The following PCDH9 variants were observed in gnomAD, a reference collection of about 807,000 sequenced individuals.
PCDH9 encodes protocadherin 9.
In PCDH9, 24 loss-of-function variants were observed where a neutral mutation model predicts 70.6. The ratio of observed to expected loss-of-function variants is 0.34; its 90% confidence interval spans 0.25 to 0.48. The LOEUF is 0.48. Among genes scored for constraint, PCDH9 ranks in the 20% least tolerant of loss-of-function variants. The pLI is 0.99. For missense variants in PCDH9, 1,281 were observed against 1,503.6 expected (o/e 0.85, Z 2.45); for synonymous variants, 562 against 558.5 (o/e 1.01, Z -0.09).
Position 67,226,304 on chromosome 13 carries a change from G to T in PCDH9, c.2137C>A (p.Leu713Ile). The T allele has an allele frequency of 6.2e-7, 1 of 1,614,084 alleles. No individual in the cohort carries two copies. The highest frequency in any genetic ancestry group is 8.5e-7 in the Non-Finnish European group (1 of 1,179,984). The change falls in exon 2 of 5, where the codon CTA becomes ATA. Residue 713 changes from leucine (L) to isoleucine (I), a missense_variant. Leu to Ile is a conservative substitution (Grantham distance 5, BLOSUM62 2). Transcript: ENST00000377865. The surrounding 1 kb of genome is among the most constrained non-coding windows in gnomAD (Gnocchi z 5.0). ...TTTCCACTCACTATAGTATACTTTA[G>T]TTCAGCGTTCATTCCAGTGTCAACA... ...VDVDTGMNAE[L>I]KYTIVSGNNK... is the part of the protein sequence containing the mutation.
chr13:66,448,278 C>T (rs898881125), intron 4 of PCDH9, among the ~76,000 whole-genome samples: 9 of 152,272 alleles, frequency 5.9e-5, no homozygotes, highest in South Asian at 2.1e-4. Context: ...CCACAGTACC[C>T]GACATACATC....
At chr13:66,665,945 C>T (rs563593811) in intron 3 of PCDH9, among the ~76,000 whole-genome samples, 1 of 152,178 alleles carries the variant, frequency 6.6e-6, no homozygotes, top group South Asian at 2.1e-4. Flanking sequence ...ATTCAAATAG[C>T]CTCAAATAAT....
intron 4 of PCDH9, among the ~76,000 whole-genome samples, chr13:66,437,404 CAAAAAAAAAAAA>C (rs66796123): frequency 2.2e-5 from 1 of 45,600 alleles, no homozygotes; most frequent in Admixed American, 4.5e-4. Context: ...GACTCTGTCT[CAAAAAAAAAAAA>C]AAAAAAAAAA....
chr13:67,002,819 T>C (rs770335127), intron 2 of PCDH9, among the ~76,000 whole-genome samples: 2 of 152,136 alleles, frequency 1.3e-5, no homozygotes, highest in Non-Finnish European at 2.9e-5. Context: ...TAAATTGTGT[T>C]CAAAATGGGA....
At chr13:66,501,753 C>CAAGAA (rs1959178150) in intron 4 of PCDH9, among the ~76,000 whole-genome samples, 1 of 151,628 alleles carries the variant, frequency 6.6e-6, no homozygotes, top group Non-Finnish European at 1.5e-5. Flanking sequence ...TCAAACTGAC[C>CAAGAA]AAAAAGAAAA....
intron 4 of PCDH9, among the ~76,000 whole-genome samples, chr13:66,348,275 T>G (rs970220064): frequency 2.6e-5 from 4 of 152,142 alleles, no homozygotes; most frequent in Non-Finnish European, 4.4e-5. Flanking sequence ...CCTGCCACCA[T>G]GCAGACACAC....
At chr13:66,874,015 A>G (rs547235964) in intron 3 of PCDH9, among the ~76,000 whole-genome samples, 51 of 143,924 alleles carry the variant, frequency 3.5e-4, no homozygotes, top group Non-Finnish European at 6.9e-4. Context: ...GGCATGGCTC[A>G]CTGAAGTCTG....
chr13:67,102,990 A>T (rs1006859187), intron 2 of PCDH9, among the ~76,000 whole-genome samples: 3 of 152,108 alleles, frequency 2.0e-5, no homozygotes, highest in East Asian at 1.9e-4. Context: ...ATACAGAAAA[A>T]ATAGGTAAAT....
At chr13:67,100,908 T>A (rs561004015) in intron 2 of PCDH9, among the ~76,000 whole-genome samples, 31 of 152,162 alleles carry the variant, frequency 2.0e-4, no homozygotes, top group African/African-American at 7.5e-4. Flanking sequence ...GGGAAAGATA[T>A]GCAATCACTC....
intron 2 of PCDH9, among the ~76,000 whole-genome samples, chr13:67,034,516 C>T (rs61959247): frequency 0.095 from 14,484 of 152,010 alleles, 765 homozygotes; most frequent in Non-Finnish European, 0.12. Context: ...TAAATAAAAA[C>T]ACAAACCAAT....
chr13:66,978,778 T>C (rs944838953), intron 2 of PCDH9, among the ~76,000 whole-genome samples: 1 of 147,806 alleles, frequency 6.8e-6, no homozygotes, highest in African/African-American at 2.5e-5. Flanking sequence ...ATTTTTGGCC[T>C]TAACTTCATA....
chr13:66,627,632 G>A (rs1487139470), intron 4 of PCDH9, among the ~76,000 whole-genome samples: 2 of 151,954 alleles, frequency 1.3e-5, no homozygotes, highest in East Asian at 2.0e-4. Flanking sequence ...TCCCAATGAT[G>A]AACAAGGCAC....
Position 66,818,791 on chromosome 13 carries a change from G to A in PCDH9, c.3138+84713C>T, listed in dbSNP as rs541278120. Among the ~76,000 whole-genome samples, 15 of 152,058 alleles carry A rather than the reference G, an allele frequency of 9.9e-5. No homozygotes were observed. The South Asian group carries it at 1.0e-3, about 11-fold the overall frequency. On this transcript the variant is annotated intron_variant, in intron 3 of 4. Coordinates refer to ENST00000377865, the MANE Select transcript of PCDH9 (RefSeq NM_203487.3). Reference sequence around the variant, plus strand: ...ACTAAAAAAATACAAAAAATTAGCCGGGCGAGGTGGCGGGCGCCTATAGTC... The same window carrying A: ...ACTAAAAAAATACAAAAAATTAGCCAGGCGAGGTGGCGGGCGCCTATAGTC...
intron 2 of PCDH9, among the ~76,000 whole-genome samples, chr13:67,095,789 A>G (rs1446244860): frequency 6.6e-6 from 1 of 152,188 alleles, no homozygotes; most frequent in Non-Finnish European, 1.5e-5. Context: ...AAGGTCTCAG[A>G]CAATACCTTA....
At chr13:66,527,565 G>T (rs1960271776) in intron 4 of PCDH9, among the ~76,000 whole-genome samples, 1 of 151,994 alleles carries the variant, frequency 6.6e-6, no homozygotes, top group Non-Finnish European at 1.5e-5. Flanking sequence ...TTTTTGGACT[G>T]CCTAATATAT....
chr13:67,138,193 A>G (rs1256697904), intron 2 of PCDH9, among the ~76,000 whole-genome samples: 2 of 152,116 alleles, frequency 1.3e-5, no homozygotes, highest in Non-Finnish European at 2.9e-5. Flanking sequence ...ATTGATCCTC[A>G]ATGTCCTCCT....
intron 2 of PCDH9, among the ~76,000 whole-genome samples, chr13:67,030,958 GACTA>G (rs2084893899): frequency 1.3e-5 from 2 of 152,102 alleles, no homozygotes; most frequent in African/African-American, 2.4e-5. Context: ...AGGAAACTTA[GACTA>G]ACTAGCCCTA....
chr13:66,518,685 T>C (rs1959854451), intron 4 of PCDH9, among the ~76,000 whole-genome samples: 1 of 152,146 alleles, frequency 6.6e-6, no homozygotes, highest in African/African-American at 2.4e-5. Flanking sequence ...TATATAAGTT[T>C]ATGGGTAACA....
At chr13:66,582,797 T>C (rs1404303552) in intron 4 of PCDH9, among the ~76,000 whole-genome samples, 1 of 152,204 alleles carries the variant, frequency 6.6e-6, no homozygotes, top group East Asian at 1.9e-4. Context: ...TTCATAAGCA[T>C]TTCCAATGCT....
Sources: gnomAD v4.1 joint callset for allele counts (sites outside exome capture counted in the v4.1 genomes callset) on GRCh38, gnomAD v4.1.1 for gene constraint, Gnocchi (gnomAD v3.1) non-coding constraint, MANE v1.5 for transcripts, NCBI Gene and HGNC (gene_info 2026-07-23, HGNC 2026-07-21) for gene names.